Variants in CYFIP1 observed in about 807,000 individuals in gnomAD.
The protein encoded by CYFIP1 is cytoplasmic FMR1-interacting protein 1.
In CYFIP1, 58 loss-of-function variants were observed where a neutral mutation model predicts 163.5. The observed-to-expected ratio is 0.35, with a 90% CI of 0.29 to 0.44. The LOEUF (loss-of-function observed/expected upper bound fraction) is 0.44. Among genes scored for constraint, CYFIP1 ranks in the 20% least tolerant of loss-of-function variants. The pLI is 1.00. For synonymous variants in CYFIP1, 663 were observed against 660.7 expected, an observed-to-expected ratio of 1.00 and a Z score of -0.05; for missense variants, 1,338 against 1,653.8, an observed-to-expected ratio of 0.81 and a Z score of 3.31.
chr15:22,979,879 C>T (rs1319966081), intron 1 of CYFIP1, among the ~76,000 whole-genome samples: 5 of 152,208 alleles, frequency 3.3e-5, no homozygotes, highest in African/African-American at 1.2e-4. Flanking sequence ...CTGCCTGCTC[C>T]TTACTTTCCA....
At position 22,957,064 on chromosome 15, in the gene CYFIP1, C is replaced by T. The variant is rs573057517; in HGVS notation, c.-6-9773G>A. ...AATCCAGAAAATGCAGAAGCGAAGG[C>T]GTCGGTGCCACGCAGGCGGCAGTGC... On this transcript the variant is annotated intron_variant, in intron 1 of 30. Coordinates refer to ENST00000617928, the MANE Select transcript of CYFIP1 (RefSeq NM_014608.6). Among the ~76,000 whole-genome samples, 8 of 152,240 alleles carry T rather than the reference C, an allele frequency of 5.3e-5. No homozygotes were observed. In the East Asian group the frequency reaches 5.8e-4, roughly 11 times the overall value.
rs989783175 is a variant in CYFIP1, at chr15:22,968,146, T to C, written c.-7+12141A>G. On this transcript the variant is annotated intron_variant, in intron 1 of 30. Coordinates refer to ENST00000617928, the MANE Select transcript of CYFIP1 (RefSeq NM_014608.6). ...GCGAGACTCCATCTCAAAAAATAAA[T>C]AAATAAATAAAAATAAAACGCAAAT... 3.3e-5 allele frequency among the ~76,000 whole-genome samples: 5 copies of C among 151,868 alleles called. No homozygotes were observed. The East Asian group carries it at 7.7e-4, about 23-fold the overall frequency.
rs2061048546 is a variant in CYFIP1, at chr15:22,917,957, C to T, written c.1527-22G>A. On this transcript the variant is annotated intron_variant, in intron 14 of 30. Coordinates refer to ENST00000617928, the MANE Select transcript of CYFIP1 (RefSeq NM_014608.6). The surrounding 1 kb of genome is among the most constrained non-coding windows in gnomAD (Gnocchi z 4.2). ...GACACTGAACACCCCACCAAGTGAT[C>T]AGCAAGGCCCAGAGGCCGAGACCTC... 1 of 1,607,252 alleles carries T rather than the reference C, an allele frequency of 6.2e-7. No homozygotes were observed. Among genetic ancestry groups the T allele is most frequent in the African/African-American group, 1.3e-5 (1 of 74,616 alleles).
chr15:22,935,197 A>G (rs906556778), intron 9 of CYFIP1, among the ~76,000 whole-genome samples: 5 of 152,200 alleles, frequency 3.3e-5, no homozygotes, highest in Non-Finnish European at 5.9e-5. Context: ...CCAGATTAGG[A>G]GTCTTGTTAG....
chr15:22,900,070 A>G (rs192121009), intron 22 of CYFIP1, among the ~76,000 whole-genome samples: 2 of 152,266 alleles, frequency 1.3e-5, no homozygotes, highest in East Asian at 1.9e-4. Flanking sequence ...CCTCACTCCT[A>G]GTACCTCAGA....
chr15:22,963,546 T>TAACAACATAACATAAC lies in CYFIP1; in HGVS notation c.-6-16256_-6-16255insGTTATGTTATGTTGTT, dbSNP rs201277584. Among the ~76,000 whole-genome samples, 147 of 134,736 alleles carry TAACAACATAACATAAC rather than the reference T, an allele frequency of 1.1e-3. 3 individuals carry two copies. In the South Asian group the frequency reaches 0.02, roughly 18 times the overall value. 88.4% of individuals were successfully genotyped at this position (134,736 alleles called of 152,430 possible). A position where few individuals can be genotyped will look rare whatever the true frequency, so the allele number is the denominator to read the frequency against. ...TAACATAACATAACATAACATAACA[T>TAACAACATAACATAAC]AACATAACATAAGAAAGAATGAAAT... is the stretch of plus-strand genomic sequence containing the variant. On this transcript the variant is annotated intron_variant, in intron 1 of 30. Transcript: ENST00000617928.
At chr15:22,932,156 A>C in intron 11 of CYFIP1, 67 bp downstream of exon 11, 3 of 1,132,824 alleles carry the variant, frequency 2.6e-6, no homozygotes, top group Non-Finnish European at 3.8e-6. Context: ...ATTAAACCTA[A>C]GATTTGGGTG....
chr15:22,926,196 G>A, intron 12 of CYFIP1, 89 bp from the exon 13 acceptor site: 1 of 1,576,118 alleles, frequency 6.3e-7, no homozygotes, highest in Non-Finnish European at 8.6e-7. Flanking sequence ...GCCAAAGCCA[G>A]GCCAGCCTTC....
chr15:22,912,018 G>A (rs754243250), intron 18 of CYFIP1, among the ~76,000 whole-genome samples, 161 bp downstream of exon 18: 14 of 152,182 alleles, frequency 9.2e-5, no homozygotes, highest in Non-Finnish European at 1.5e-4. Context: ...TGCACTCATC[G>A]TGGAAGCATA....
At chr15:22,912,515 C>T (rs41288117) in intron 17 of CYFIP1, 29,913 of 429,134 alleles carry the variant, frequency 0.07, 1,354 homozygotes, top group Non-Finnish European at 0.089. Flanking sequence ...AGGCCACACA[C>T]GGACAAGGGC....
intron 8 of CYFIP1, among the ~76,000 whole-genome samples, chr15:22,938,903 G>C (rs1484900691): frequency 1.1e-5 from 1 of 89,982 alleles, no homozygotes; most frequent in South Asian, 3.9e-4. Context: ...CCTGCCTTGA[G>C]AATAAAACGA....
Position 22,916,611 on chromosome 15 carries a change from A to G in CYFIP1, c.1694T>C (p.Met565Thr), listed in dbSNP as rs1320764697. The G allele has an allele frequency of 2.5e-6, 4 of 1,614,046 alleles. No homozygotes were observed. In the African/African-American group the frequency reaches 5.3e-5, roughly 22 times the overall value. The change falls in exon 16 of 31, where the codon ATG (methionine) becomes ACG (threonine). Residue 565 changes from methionine to threonine, a missense_variant. Physicochemically the swap from Met to Thr is moderately conservative, Grantham distance 81. Around this residue, in one of 4 missense-constraint regions of CYFIP1, gnomAD observed 824 missense variants for 995.7 expected, o/e 0.83. Transcript: ENST00000617928. ...TTTGTCTGCAATGAGGGACTCTAGC[A>G]TGGTTCTCACCATGTAAAGCTGGAT... ...SSTQLYMVRT[M>T]LESLIADKSG...
chr15:22,882,805 T>C, intron 24 of CYFIP1, 63 bp downstream of exon 24: 1 of 1,569,182 alleles, frequency 6.4e-7, no homozygotes, highest in South Asian at 1.2e-5. Context: ...GAGAAGACCC[T>C]CTGGCATGGG....
At chr15:22,892,733 A>G (rs1316786627) in intron 23 of CYFIP1, among the ~76,000 whole-genome samples, 157 bp downstream of exon 23, 2 of 152,162 alleles carry the variant, frequency 1.3e-5, no homozygotes, top group Non-Finnish European at 2.9e-5. Flanking sequence ...AATTACTGCT[A>G]CTTTTCAGGA....
Position 22,917,760 on chromosome 15 carries a change from G to C in CYFIP1, c.1674+28C>G. The C allele has an allele frequency of 1.9e-6, 3 of 1,557,762 alleles. No homozygotes were observed. The highest frequency in any genetic ancestry group is 2.6e-6 in the Non-Finnish European group (3 of 1,150,622). On this transcript the variant is annotated intron_variant, in intron 15 of 30. Coordinates refer to ENST00000617928, the MANE Select transcript of CYFIP1 (RefSeq NM_014608.6). This position sits in a 1 kb window ranked among gnomAD's most constrained non-coding sequence, Gnocchi z 4.2. Reference sequence around the variant, plus strand: ...CAGGGTGGGTCCCCCCAGGGAGAGGGTGCAGGCGGGGCTCAAGGGACGAGA... The same window carrying C: ...CAGGGTGGGTCCCCCCAGGGAGAGGCTGCAGGCGGGGCTCAAGGGACGAGA...
rs77126950 is a variant in CYFIP1 at position 22,912,600 on chromosome 15, A to G, written c.1986-325T>C. Reference sequence around the variant, plus strand: ...ACAAGTACATAGGATTTTTAACAAAAGAAAATTATTTTCTTATTTCCAGAA... The same window carrying G: ...ACAAGTACATAGGATTTTTAACAAAGGAAAATTATTTTCTTATTTCCAGAA... On this transcript the variant is annotated intron_variant, in intron 17 of 30. Transcript: ENST00000617928. 9.3e-3 allele frequency among the ~76,000 whole-genome samples: 1,416 copies of G among 152,334 alleles called. 28 individuals are homozygous for G. Among genetic ancestry groups the G allele is most frequent in the African/African-American group, 0.032 (1,332 of 41,566 alleles).
intron 22 of CYFIP1, among the ~76,000 whole-genome samples, chr15:22,898,404 T>C (rs1276125716): frequency 6.6e-5 from 10 of 152,112 alleles, no homozygotes; most frequent in Non-Finnish European, 1.0e-4. Flanking sequence ...ACTACAGATG[T>C]GTGCCACCAT....
chr15:22,923,622 A>G (rs2061258930), intron 13 of CYFIP1, among the ~76,000 whole-genome samples: 1 of 152,052 alleles, frequency 6.6e-6, no homozygotes, highest in African/African-American at 2.4e-5. Context: ...AGAAATGAAA[A>G]CCAGCATCTA....
At chr15:22,903,668 G>A (rs751905999) in intron 22 of CYFIP1, 38 bp downstream of exon 22, 6 of 1,607,850 alleles carry the variant, frequency 3.7e-6, no homozygotes, top group East Asian at 2.2e-5. Context: ...GTCCCTGAGC[G>A]CCTCGCCTGT....
Sources: allele counts gnomAD v4.1 joint callset (sites outside exome capture counted in the v4.1 genomes callset), GRCh38; gene constraint gnomAD v4.1.1; regional missense constraint gnomAD v4.1.1; non-coding constraint Gnocchi (gnomAD v3.1); transcripts MANE v1.5; gene names NCBI Gene and HGNC (gene_info 2026-07-23, HGNC 2026-07-21).